ADCY4: variants seen among roughly 807,000 people sequenced by gnomAD.
ADCY4 encodes the protein adenylate cyclase 4, also known as adenylate cyclase type 4.
Under a neutral mutation model 125.5 loss-of-function variants are expected in ADCY4, and 111 were observed. The ratio of observed to expected loss-of-function variants is 0.88; its 90% CI spans 0.76 to 1.04. The LOEUF (loss-of-function observed/expected upper bound fraction) is 1.04. Ranked by LOEUF, ADCY4 falls within the 50% of genes least tolerant of loss-of-function variation. ADCY4 has a pLI of 0.00. For synonymous variants in ADCY4, 576 were observed against 586.9 expected (o/e 0.98, Z 0.27); for missense variants, 1,256 against 1,382.9 (o/e 0.91, Z 1.46).
At position 24,319,399 on chromosome 14, in the gene ADCY4, ATCT is replaced by A; in HGVS notation, c.2768_2770del (p.Lys923del). ...CATGTAGGTGCTGCCGATGGTCTTG[ATCT>A]TCTCCACCCCACTGAACTTGGGCTT... On this transcript the variant is annotated inframe_deletion, in exon 22 of 25. Coordinates refer to ENST00000418030, the MANE Select transcript of ADCY4 (RefSeq NM_001198568.2). The surrounding 1 kb of genome is among the most constrained non-coding windows in gnomAD (Gnocchi z 4.5). 1 of 1,614,192 alleles carries A rather than the reference ATCT, an allele frequency of 6.2e-7. No individual in the cohort carries two copies. Among genetic ancestry groups the A allele is most frequent in the Non-Finnish European group, 8.5e-7 (1 of 1,180,024 alleles).
intron 16 of ADCY4, chr14:24,323,769 A>G (rs1042609301): frequency 2.1e-5 from 12 of 573,430 alleles, no homozygotes; most frequent in Non-Finnish European, 2.6e-5. Flanking sequence ...CACCAGGAAT[A>G]GAATTCTAGG....
In ADCY4 at chr14:24,330,149, G is replaced by T; in HGVS notation, c.1058+19C>A. 1.9e-6 allele frequency: 3 copies of T among 1,609,176 alleles called. No homozygotes were observed. In the South Asian group the frequency reaches 3.3e-5, roughly 18 times the overall value. On this transcript the variant is annotated intron_variant, in intron 7 of 24. Transcript: ENST00000418030. ...CACATCCACCCTCAGCATTCCTCTT[G>T]ACCACCGCCTGAGCTGACCTGATGG...
chr14:24,319,040 G>A lies in ADCY4; in HGVS notation c.2956+58C>T. 6.3e-7 allele frequency: 1 copy of A among 1,587,280 alleles called. No homozygotes were observed. Among genetic ancestry groups the A allele is most frequent in the Non-Finnish European group, 8.6e-7 (1 of 1,157,884 alleles). On this transcript the variant is annotated intron_variant, in intron 23 of 24. Coordinates refer to ENST00000418030, the MANE Select transcript of ADCY4 (RefSeq NM_001198568.2). The surrounding 1 kb of genome is among the most constrained non-coding windows in gnomAD (Gnocchi z 4.5). The stretch of plus-strand genomic sequence containing the variant: ...AGCAGCTAACAAAGGACTTGGAGTG[G>A]GGCAAGCTCAGGAAGGTGAGGAGGT...
At chr14:24,321,930 A>G (rs4981504) in intron 20 of ADCY4, 136 bp downstream of exon 20, 1,115,703 of 1,398,814 alleles carry the variant, frequency 0.8, 447,245 homozygotes, top group East Asian at 1. Context: ...TTGTGAAAAC[A>G]AAGACGCTTG....
intron 3 of ADCY4, 109 bp from the exon 4 acceptor site, chr14:24,332,046 A>AC: frequency 2.3e-6 from 3 of 1,317,050 alleles, no homozygotes; most frequent in Non-Finnish European, 3.0e-6. Context: ...ACAGTGAGGG[A>AC]CCTAACTATT....
At chr14:24,322,744 TC>T (rs1312189884) in intron 18 of ADCY4, 36 bp from the exon 19 acceptor site, 3 of 1,604,632 alleles carry the variant, frequency 1.9e-6, no homozygotes, top group Non-Finnish European at 2.6e-6. Context: ...CCCCTTGCTT[TC>T]CCCCTTCCTG....
At chr14:24,323,169 C>T (rs1421408017) in intron 17 of ADCY4, 81 bp from the exon 18 acceptor site, 107 of 1,508,008 alleles carry the variant, frequency 7.1e-5, no homozygotes, top group Non-Finnish European at 9.5e-5. Flanking sequence ...TCCTGTCCCT[C>T]CCAGGCCCAG....
At position 24,335,023 on chromosome 14, in the gene ADCY4, G is replaced by C. The variant is rs1355250816; in HGVS notation, c.-371C>G. 1 of 171,978 alleles carries C rather than the reference G, an allele frequency of 5.8e-6. No homozygotes were observed. Among genetic ancestry groups the C allele is most frequent in the Non-Finnish European group, 1.2e-5 (1 of 81,354 alleles). 10.7% of individuals were successfully genotyped at this position (171,978 alleles called of 1,614,324 possible). On this transcript the variant is annotated 5_prime_UTR_variant, in exon 1 of 25. Transcript: ENST00000418030. Reference sequence around the variant, plus strand: ...GCGCAGCGGAGTGGGCTAGGTCCGGGGAGGGAGCCGGGGACCTGATGGCGG... The same window carrying C: ...GCGCAGCGGAGTGGGCTAGGTCCGGCGAGGGAGCCGGGGACCTGATGGCGG...
intron 24 of ADCY4, 35 bp from the exon 25 acceptor site, chr14:24,318,603 G>A: frequency 6.2e-7 from 1 of 1,614,008 alleles, no homozygotes; most frequent in Non-Finnish European, 8.5e-7. Flanking sequence ...ATATGGAGGT[G>A]GCCCTATTCT....
chr14:24,332,126 A>T, intron 3 of ADCY4, 189 bp from the exon 4 acceptor site: 1 of 635,472 alleles, frequency 1.6e-6, no homozygotes, highest in Non-Finnish European at 2.3e-6. Context: ...CCTCCTCCAG[A>T]CTCTCGGCTG....
intron 17 of ADCY4, 108 bp downstream of exon 17, chr14:24,323,236 A>T (rs2041884430): frequency 1.4e-6 from 2 of 1,390,446 alleles, no homozygotes; most frequent in Admixed American, 4.0e-5. Context: ...GGTGTGACTT[A>T]TGTCTGTTCT....
At chr14:24,330,128 T>C (rs1238288142) in intron 7 of ADCY4, 40 bp downstream of exon 7, 5 of 1,603,698 alleles carry the variant, frequency 3.1e-6, no homozygotes, top group South Asian at 1.1e-5. Context: ...GCCCCCCACA[T>C]CCACCCTCAG....
intron 1 of ADCY4, 26 bp downstream of exon 1, chr14:24,334,468 C>T (rs1159896196): frequency 1.3e-6 from 2 of 1,568,020 alleles, no homozygotes; most frequent in Non-Finnish European, 1.7e-6. Flanking sequence ...AGGTAGAGAC[C>T]CTCCCGCAGC....
intron 16 of ADCY4, chr14:24,323,704 T>C: frequency 4.4e-6 from 6 of 1,361,680 alleles, no homozygotes; most frequent in Non-Finnish European, 4.8e-6. Flanking sequence ...ACTTAGCCTC[T>C]CTGGGCCTTA....
At position 24,334,513 on chromosome 14, in the gene ADCY4, A is replaced by T; in HGVS notation, c.140T>A (p.Val47Glu). Residue 47 changes from valine to glutamate, a missense_variant, in exon 1 of 25, where the codon GTG becomes GAG. Physicochemically the swap from Val to Glu is moderately radical, Grantham distance 121. Transcript: ENST00000418030. ...VLCALAALLA[V>E]AWASGRELTS... Reference sequence around the variant, plus strand: ...GCTCACCCTGCCGCTGGCCCAGGCCACTGCGAGCAGCGCCGCGAGCGCACA... The same window carrying T: ...GCTCACCCTGCCGCTGGCCCAGGCCTCTGCGAGCAGCGCCGCGAGCGCACA... 6.3e-7 allele frequency: 1 copy of T among 1,582,012 alleles called. No homozygotes were observed. Among genetic ancestry groups the T allele is most frequent in the Non-Finnish European group, 8.5e-7 (1 of 1,169,978 alleles).
chr14:24,331,160 A>T lies in ADCY4; in HGVS notation c.819-31T>A, dbSNP rs1594667494. On this transcript the variant is annotated intron_variant, in intron 5 of 24. Coordinates refer to ENST00000418030, the MANE Select transcript of ADCY4 (RefSeq NM_001198568.2). ...TAGGGCAGACTGTGTCAGCAGGGCC[A>T]GGGTCTTAGCCCACAGGCCCCTCCC... The T allele has an allele frequency of 2.5e-6, 4 of 1,612,980 alleles. No individual in the cohort carries two copies. In the Admixed American group the frequency reaches 6.7e-5, roughly 27 times the overall value.
In ADCY4 at chr14:24,322,181, A is replaced by G. The variant is rs1272143132; in HGVS notation, c.2471T>C (p.Leu824Pro). ...CRLDFLWKKK[L>P]RQEREETETM... ...CTCTGTCTCCTCCCTCTCCTGCCTC[A>G]GCTTCTTCTTCCACAGGAAGTCCAG... The change falls in exon 20 of 25, where the codon CTG becomes CCG. Residue 824 changes from leucine (L) to proline (P), a missense_variant. By Grantham distance (98) the Leu-to-Pro change is moderately conservative. Transcript: ENST00000418030. 1 of 1,614,056 alleles carries G rather than the reference A, an allele frequency of 6.2e-7. No individual in the cohort carries two copies.
rs761422878 is a variant in ADCY4, at chr14:24,319,746, T to C, written c.2729A>G (p.Asp910Gly). 5.0e-6 allele frequency: 8 copies of C among 1,614,146 alleles called. No homozygotes were observed. The South Asian group carries it at 5.5e-5, about 11-fold the overall frequency. Residue 910 changes from aspartate to glycine, a missense_variant, in exon 21 of 25, where the codon GAT becomes GGT. By Grantham distance (94) the Asp-to-Gly change is moderately conservative. Transcript: ENST00000418030. The surrounding 1 kb of genome is among the most constrained non-coding windows in gnomAD (Gnocchi z 4.5). ...RLLNEIIADF[D>G]ELLSKPKFSG... Reference sequence around the variant, plus strand: ...GGAGACTCTTGGAATTTTCACCTCATCAAAATCAGCAATTATCTCATTGAG... The same window carrying C: ...GGAGACTCTTGGAATTTTCACCTCACCAAAATCAGCAATTATCTCATTGAG...
chr14:24,329,467 G>A lies in ADCY4; in HGVS notation c.1284C>T (p.Gly428=), dbSNP rs200322153. The change falls in exon 9 of 25, where the codon GGC becomes GGT. Residue 428 remains glycine, a synonymous_variant. Coordinates refer to ENST00000418030, the MANE Select transcript of ADCY4 (RefSeq NM_001198568.2). The part of the protein sequence containing the change: ...LAGAYAVEDA[G]MEHRDPYLRE... ...GAAGGTAGGGGTCCCGATGCTCCAT[G>A]CCTGCGTCCTCCACAGCATAAGCCC... The A allele has an allele frequency of 3.2e-6, 5 of 1,582,622 alleles. No homozygotes were observed. In the South Asian group the frequency reaches 5.8e-5, roughly 18 times the overall value.
Sources: gnomAD v4.1 joint callset for allele counts on GRCh38, gnomAD v4.1.1 for gene constraint, Gnocchi (gnomAD v3.1) non-coding constraint, MANE v1.5 for transcripts, NCBI Gene and HGNC (gene_info 2026-07-23, HGNC 2026-07-21) for gene names.